CCDC175: variants seen among roughly 807,000 people sequenced by gnomAD.
CCDC175 encodes coiled-coil domain-containing protein 175.
CCDC175 carries 100 observed loss-of-function variants against 114.6 expected under a neutral mutation model. The ratio of observed to expected loss-of-function variants is 0.87; its 90% CI spans 0.74 to 1.03. The LOEUF (loss-of-function observed/expected upper bound fraction) is 1.03, where lower values mean the gene tolerates loss of function less well. Ranked by LOEUF, CCDC175 falls within the 50% of genes least tolerant of loss-of-function variation. The pLI is 0.00. For synonymous variants in CCDC175, 306 were observed against 308.7 expected (o/e 0.99, Z 0.09); for missense variants, 880 against 917.8 (o/e 0.96, Z 0.53).
chr14:59,544,528 C>T (rs946204461), intron 9 of CCDC175, among the ~76,000 whole-genome samples: 1 of 152,034 alleles, frequency 6.6e-6, no homozygotes, highest in African/African-American at 2.4e-5. Context: ...AATTGTGCCT[C>T]CCCCATCTCC....
intron 19 of CCDC175, among the ~76,000 whole-genome samples, chr14:59,506,229 C>G (rs1052304015): frequency 4.0e-5 from 6 of 151,474 alleles, no homozygotes; most frequent in African/African-American, 1.5e-4. Flanking sequence ...GCCTGGGCCC[C>G]ACACCCAGAG....
intron 14 of CCDC175, 59 bp downstream of exon 14, chr14:59,531,713 A>G: frequency 8.1e-7 from 1 of 1,229,778 alleles, no homozygotes; most frequent in Non-Finnish European, 1.1e-6. Flanking sequence ...TTGTGTTAGA[A>G]GATGACAGTG....
chr14:59,510,342 A>G (rs1892670259), intron 19 of CCDC175: 1 of 259,590 alleles, frequency 3.9e-6, no homozygotes, highest in African/African-American at 2.2e-5. Flanking sequence ...GTTTAAGAAG[A>G]CTAAAAAATG....
chr14:59,526,640 C>T (rs1893757851), intron 15 of CCDC175, among the ~76,000 whole-genome samples: 1 of 152,082 alleles, frequency 6.6e-6, no homozygotes, highest in South Asian at 2.1e-4. Flanking sequence ...CATGCATATG[C>T]TTATCACCAA....
intron 1 of CCDC175, 130 bp downstream of exon 1, chr14:59,576,489 G>C (rs371544291): frequency 3.2e-5 from 27 of 855,182 alleles, no homozygotes; most frequent in Admixed American, 8.4e-5. Context: ...AAGGAGCGGG[G>C]AGAAGGCTCT....
intron 17 of CCDC175, among the ~76,000 whole-genome samples, chr14:59,517,425 T>TA (rs1893160440): frequency 6.6e-6 from 1 of 152,182 alleles, no homozygotes; most frequent in South Asian, 2.1e-4. Context: ...AAAACCCCAT[T>TA]GTCTCAGCCC....
intron 5 of CCDC175, chr14:59,564,303 G>GC: frequency 6.5e-6 from 1 of 152,898 alleles, no homozygotes. Flanking sequence ...GCTAAACACA[G>GC]AGTAAACAAA....
intron 12 of CCDC175, 81 bp from the exon 13 acceptor site, chr14:59,538,235 C>T (rs1894532300): frequency 4.1e-6 from 5 of 1,217,520 alleles, no homozygotes; most frequent in Non-Finnish European, 4.5e-6. Context: ...AAATTAATAT[C>T]TCTTTGCAGG....
intron 3 of CCDC175, among the ~76,000 whole-genome samples, chr14:59,571,522 C>T (rs1896849111): frequency 6.6e-6 from 1 of 152,154 alleles, no homozygotes; most frequent in African/African-American, 2.4e-5. Flanking sequence ...AGCTCAACAT[C>T]TCTAATCACT....
intron 17 of CCDC175, among the ~76,000 whole-genome samples, chr14:59,512,428 T>C (rs559584809): frequency 6.6e-6 from 1 of 152,330 alleles, no homozygotes; most frequent in South Asian, 2.1e-4. Flanking sequence ...CCTCCCTGGT[T>C]GGCAACACTT....
At chr14:59,538,239 T>C in intron 12 of CCDC175, 85 bp from the exon 13 acceptor site, 1 of 1,136,804 alleles carries the variant, frequency 8.8e-7, no homozygotes, top group Non-Finnish European at 1.2e-6. Context: ...TAATATCTCT[T>C]TGCAGGAGGC....
At chr14:59,539,324 T>G (rs1040182138) in intron 11 of CCDC175, among the ~76,000 whole-genome samples, 3 of 152,216 alleles carry the variant, frequency 2.0e-5, no homozygotes, top group Non-Finnish European at 2.9e-5. Flanking sequence ...ACGCCTATAA[T>G]CCCAGCACTT....
chr14:59,533,242 CA>C (rs1208659659), intron 13 of CCDC175, among the ~76,000 whole-genome samples: 2 of 152,184 alleles, frequency 1.3e-5, no homozygotes, highest in African/African-American at 4.8e-5. Context: ...AGAGAGCCAC[CA>C]AACCCAGGGA....
At chr14:59,570,054 T>A (rs1008294851) in intron 3 of CCDC175, among the ~76,000 whole-genome samples, 4 of 151,484 alleles carry the variant, frequency 2.6e-5, no homozygotes, top group Non-Finnish European at 5.9e-5. Context: ...TCTCTGGGGG[T>A]GTTAGGGGTA....
At chr14:59,529,270 G>A (rs960276819) in intron 14 of CCDC175, among the ~76,000 whole-genome samples, 10 of 152,198 alleles carry the variant, frequency 6.6e-5, no homozygotes, top group Admixed American at 1.3e-4. Context: ...TGAGCTCAGA[G>A]GGGATCTCAG....
At position 59,545,174 on chromosome 14, in the gene CCDC175, C is replaced by A; in HGVS notation, c.1161G>T (p.Lys387Asn). Residue 387 changes from lysine (K) to asparagine (N), a missense_variant, in exon 9 of 20, where the codon AAG (lysine) becomes AAT (asparagine). Transcript: ENST00000537690. ...GGGTAAAGACATACTCATCATGAAT[C>A]TTTTGTTTTTGCAAAAAAGCTTTTT... The part of the protein sequence containing the change: ...EEEKAFLQKQ[K>N]IHDENQKQLT... 6.5e-7 allele frequency: 1 copy of A among 1,536,780 alleles called. No individual in the cohort carries two copies. Among genetic ancestry groups the A allele is most frequent in the Non-Finnish European group, 8.7e-7 (1 of 1,146,664 alleles).
At chr14:59,507,290 C>T (rs901357289) in intron 19 of CCDC175, among the ~76,000 whole-genome samples, 1 of 152,232 alleles carries the variant, frequency 6.6e-6, no homozygotes, top group Non-Finnish European at 1.5e-5. Context: ...CAATAAGACA[C>T]AGCTTTACCC....
intron 8 of CCDC175, among the ~76,000 whole-genome samples, chr14:59,550,497 A>G (rs1205186682): frequency 3.3e-5 from 5 of 152,154 alleles, no homozygotes; most frequent in Non-Finnish European, 4.4e-5. Context: ...AGTATTTAGA[A>G]TATTATATTA....
intron 3 of CCDC175, among the ~76,000 whole-genome samples, chr14:59,570,202 T>C (rs913836028): frequency 2.0e-5 from 3 of 152,186 alleles, no homozygotes; most frequent in Non-Finnish European, 2.9e-5. Flanking sequence ...TGCTGGGCAC[T>C]GTGGACTGCT....
Sources: gnomAD v4.1 joint callset for allele counts (sites outside exome capture counted in the v4.1 genomes callset) on GRCh38, gnomAD v4.1.1 for gene constraint, MANE v1.5 for transcripts, NCBI Gene and HGNC (gene_info 2026-07-23, HGNC 2026-07-21) for gene names.